MALRD1: variants seen among roughly 807,000 people sequenced by gnomAD.
The protein encoded by MALRD1 is MAM and LDL-receptor class A domain-containing protein 1.
Under a neutral mutation model 242.1 loss-of-function variants are expected in MALRD1, and 247 were observed. The observed-to-expected ratio is 1.02, with a 90% CI of 0.92 to 1.13. The LOEUF (loss-of-function observed/expected upper bound fraction) is 1.13. MALRD1 is among the 50% of genes most tolerant of loss of function. The pLI, the probability that MALRD1 is intolerant of heterozygous loss-of-function variation, is 0.00. For synonymous variants in MALRD1, 995 were observed against 866.6 expected, an observed-to-expected ratio of 1.15 and a Z score of -2.60; for missense variants, 2,989 against 2,533.1, an observed-to-expected ratio of 1.18 and a Z score of -3.86.
At position 19,388,510 on chromosome 10, in the gene MALRD1, G is replaced by C. The variant is rs564036951; in HGVS notation, c.4687+737G>C. Reference sequence around the variant, plus strand: ...TCATTAGCAAGTCATTTAAATTTCAGATTTTCAAATTCCTCATCTGTCATT... The same window carrying C: ...TCATTAGCAAGTCATTTAAATTTCACATTTTCAAATTCCTCATCTGTCATT... On this transcript the variant is annotated intron_variant, in intron 27 of 39. Coordinates refer to ENST00000454679, the MANE Select transcript of MALRD1 (RefSeq NM_001142308.3). 1.3e-4 allele frequency among the ~76,000 whole-genome samples: 20 copies of C among 152,236 alleles called. 1 individual carries two copies. In the South Asian group the frequency reaches 3.7e-3, roughly 28 times the overall value.
intron 26 of MALRD1, among the ~76,000 whole-genome samples, chr10:19,362,612 G>GA (rs1564595001): frequency 6.6e-6 from 1 of 152,082 alleles, no homozygotes; most frequent in Non-Finnish European, 1.5e-5. Context: ...ACTAAAGCTG[G>GA]AAGAAGGTAG....
rs77183360 is a variant in MALRD1 at position 19,574,936 on chromosome 10, A to G, written c.5680+7233A>G. Among the ~76,000 whole-genome samples the G allele has an allele frequency of 2.7e-3, 406 of 152,326 alleles. 7 individuals carry two copies. The East Asian group carries it at 0.059, about 22-fold the overall frequency. ...TTCTCACTACTGGGCGTGTCTTTGA[A>G]TTTAAGTTTGCCATTCATTCAGTCA... On this transcript the variant is annotated intron_variant, in intron 33 of 39. Coordinates refer to ENST00000454679, the MANE Select transcript of MALRD1 (RefSeq NM_001142308.3).
At chr10:19,581,838 A>C (rs1299378150) in intron 33 of MALRD1, among the ~76,000 whole-genome samples, 7 of 151,922 alleles carry the variant, frequency 4.6e-5, no homozygotes, top group Non-Finnish European at 7.4e-5. Context: ...TCCCACCAAC[A>C]GTGTAAAAGT....
chr10:19,607,969 A>G, intron 35 of MALRD1, 67 bp downstream of exon 35: 1 of 1,514,980 alleles, frequency 6.6e-7, no homozygotes, highest in Non-Finnish European at 8.9e-7. Flanking sequence ...CACAATGAAA[A>G]TATTAAAACT....
chr10:19,279,309 G>C (rs1840693149), intron 19 of MALRD1, among the ~76,000 whole-genome samples: 1 of 152,192 alleles, frequency 6.6e-6, no homozygotes, highest in African/African-American at 2.4e-5. Context: ...AACAACACTG[G>C]ATGAAAGCCT....
At chr10:19,052,493 A>G (rs1337720858) in intron 1 of MALRD1, among the ~76,000 whole-genome samples, 1 of 152,192 alleles carries the variant, frequency 6.6e-6, no homozygotes, top group African/African-American at 2.4e-5. Context: ...CTGGTGGGGC[A>G]CATCTAACTC....
chr10:19,648,548 G>C (rs1840741586), intron 36 of MALRD1, among the ~76,000 whole-genome samples: 1 of 152,122 alleles, frequency 6.6e-6, no homozygotes, highest in African/African-American at 2.4e-5. Flanking sequence ...AGGTCTGCTA[G>C]AGAAAAACAT....
At chr10:19,373,857 T>C (rs1175361681) in intron 26 of MALRD1, among the ~76,000 whole-genome samples, 2 of 152,202 alleles carry the variant, frequency 1.3e-5, no homozygotes, top group African/African-American at 4.8e-5. Context: ...AATTTTCTCT[T>C]GGTTAGATTT....
intron 5 of MALRD1, among the ~76,000 whole-genome samples, chr10:19,110,232 G>A (rs779165815): frequency 1.5e-4 from 23 of 152,062 alleles, no homozygotes; most frequent in South Asian, 2.1e-4. Flanking sequence ...ACTCCAGTCC[G>A]TGCTTGGGTT....
chr10:19,621,874 G>A (rs547718604), intron 36 of MALRD1, among the ~76,000 whole-genome samples: 2 of 151,820 alleles, frequency 1.3e-5, no homozygotes, highest in African/African-American at 2.4e-5. Context: ...AATTTGGTTG[G>A]CATTAGACTT....
At chr10:19,197,728 T>C (rs1408932432) in intron 14 of MALRD1, among the ~76,000 whole-genome samples, 1 of 152,212 alleles carries the variant, frequency 6.6e-6, no homozygotes, top group Non-Finnish European at 1.5e-5. Context: ...CTCTAACATT[T>C]TCAATATTCT....
chr10:19,142,401 C>T (rs1008345981), intron 10 of MALRD1, among the ~76,000 whole-genome samples: 10 of 152,002 alleles, frequency 6.6e-5, no homozygotes, highest in African/African-American at 2.4e-5. Flanking sequence ...TCACAGAGAG[C>T]TGATTAACTT....
rs1835735905 is a variant in MALRD1, at chr10:19,088,068, G to GGTT, written c.482_484dup (p.Val161dup). The GGTT allele has an allele frequency of 6.5e-6, 8 of 1,233,378 alleles. No homozygotes were observed. The highest frequency in any genetic ancestry group is 8.1e-6 in the Non-Finnish European group (8 of 987,918). The allele number at this position is 1,233,378 out of a possible 1,614,324, so 76.4% of individuals were successfully genotyped here. A position where few individuals can be genotyped will look rare whatever the true frequency, so the allele number is the denominator to read the frequency against. On this transcript the variant is annotated inframe_insertion, in exon 4 of 40. Transcript: ENST00000454679. Reference sequence around the variant, plus strand: ...CCTGCCAAGTGAGTGGCAAATTAATGGTTGGGCTTCAAACTGCATGTGGAG... The same window carrying GGTT: ...CCTGCCAAGTGAGTGGCAAATTAATGGTTGTTGGGCTTCAAACTGCATGTGGAG...
intron 18 of MALRD1, among the ~76,000 whole-genome samples, chr10:19,232,407 A>G (rs1838122987): frequency 6.6e-6 from 1 of 150,580 alleles, no homozygotes; most frequent in Non-Finnish European, 1.5e-5. Flanking sequence ...CCAATTCCTG[A>G]CTTCAAGTCA....
chr10:19,452,641 G>A (rs1311988488), intron 29 of MALRD1, among the ~76,000 whole-genome samples: 1 of 152,180 alleles, frequency 6.6e-6, no homozygotes, highest in Non-Finnish European at 1.5e-5. Context: ...ACTATGAATG[G>A]AACTAAACAA....
At position 19,491,556 on chromosome 10, in the gene MALRD1, T is replaced by C. The variant is rs1471953923; in HGVS notation, c.5069T>C (p.Phe1690Ser). The change falls in exon 30 of 40, where the codon TTT becomes TCT. Residue 1690 changes from phenylalanine (F) to serine (S), a missense_variant. Transcript: ENST00000454679. ...GAGCTTTGTCCGGAAATCACTGATT[T>C]TTTGTGCCGGGACAAGAAGTGCATT... The part of the protein sequence containing the change: ...ISELCPEITD[F>S]LCRDKKCIAS... The C allele has an allele frequency of 9.0e-6, 14 of 1,550,266 alleles. No homozygotes were observed. The highest frequency in any genetic ancestry group is 9.6e-6 in the Non-Finnish European group (11 of 1,146,880).
intron 1 of MALRD1, chr10:19,051,948 A>AAAAAAAAAAAAAAAAAC (rs1554779437): frequency 6.0e-6 from 1 of 167,738 alleles, no homozygotes; most frequent in African/African-American, 3.0e-5. Flanking sequence ...AAAAAAAAAA[A>AAAAAAAAAAAAAAAAAC]AAAAGGAAAG....
intron 14 of MALRD1, among the ~76,000 whole-genome samples, chr10:19,182,145 C>G (rs1835534394): frequency 6.6e-6 from 1 of 151,920 alleles, no homozygotes; most frequent in South Asian, 2.1e-4. Context: ...AGGCCTGTCT[C>G]TGATATACAT....
intron 18 of MALRD1, among the ~76,000 whole-genome samples, chr10:19,217,201 G>T: frequency 6.6e-6 from 1 of 152,014 alleles, no homozygotes; most frequent in East Asian, 1.9e-4. Context: ...AAACCCATTG[G>T]TGGCTTTCCA....
Sources: allele counts gnomAD v4.1 joint callset (sites outside exome capture counted in the v4.1 genomes callset), GRCh38; gene constraint gnomAD v4.1.1; transcripts MANE v1.5; gene names NCBI Gene and HGNC (gene_info 2026-07-23, HGNC 2026-07-21).